MFSD8: variants seen among roughly 807,000 people sequenced by gnomAD.
MFSD8 encodes major facilitator superfamily domain containing 8, also known as major facilitator superfamily domain-containing protein 8.
MFSD8 carries 55 observed loss-of-function variants against 66.4 expected under a neutral mutation model. The ratio of observed to expected loss-of-function variants is 0.83; its 90% CI spans 0.67 to 1.04. The LOEUF (loss-of-function observed/expected upper bound fraction) is 1.04, where lower values mean the gene tolerates loss of function less well. Ranked by LOEUF, MFSD8 falls within the 50% of genes least tolerant of loss-of-function variation. The probability of loss-of-function intolerance (pLI) is 0.00; values close to 1 mark genes in which losing one functional copy is unlikely to be tolerated. For missense variants in MFSD8, 550 were observed against 627.6 expected (o/e 0.88, Z 1.32); for synonymous variants, 202 against 212.8 (o/e 0.95, Z 0.44).
chr4:127,947,372 G>A (rs112789012), intron 3 of MFSD8, among the ~76,000 whole-genome samples: 25 of 152,224 alleles, frequency 1.6e-4, no homozygotes, highest in African/African-American at 5.5e-4. Flanking sequence ...CCTGAGGTCA[G>A]GTAGAGATCA....
chr4:127,946,101 T>C (rs1234262381), intron 3 of MFSD8, among the ~76,000 whole-genome samples: 1 of 151,962 alleles, frequency 6.6e-6, no homozygotes, highest in Non-Finnish European at 1.5e-5. Context: ...TTTTTAAATT[T>C]TTTTGTAGAG....
intron 5 of MFSD8, among the ~76,000 whole-genome samples, chr4:127,940,516 G>GTGTA (rs374347184): frequency 4.3e-5 from 6 of 138,216 alleles, no homozygotes; most frequent in Admixed American, 2.2e-4. Context: ...TCTGTATATG[G>GTGTA]TATATATATA....
chr4:127,936,443 T>C (rs1578869397), intron 7 of MFSD8, among the ~76,000 whole-genome samples: 1 of 152,018 alleles, frequency 6.6e-6, no homozygotes, highest in African/African-American at 2.4e-5. Context: ...AAGTTATTTG[T>C]TTCCAGGTGC....
In MFSD8 at chr4:127,917,866, A is replaced by C. The variant is rs1735998946; in HGVS notation, c.*2764T>G. 1 of 152,254 alleles carries C rather than the reference A, an allele frequency of 6.6e-6. No individual in the cohort carries two copies. Among genetic ancestry groups the C allele is most frequent in the Admixed American group, 6.5e-5 (1 of 15,282 alleles). The allele number at this position is 152,254 out of a possible 1,614,324, so 9.4% of individuals were successfully genotyped here. A position where few individuals can be genotyped will look rare whatever the true frequency, so the allele number is the denominator to read the frequency against. On this transcript the variant is annotated 3_prime_UTR_variant, in exon 12 of 12. Coordinates refer to ENST00000641686, the MANE Select transcript of MFSD8 (RefSeq NM_001371596.2). ...ACATTCACAATGTAAAGTAGAAATTAAATTACAAATAAGTCTTCAATGGTC... is the reference window on the plus strand; with the variant it reads ...ACATTCACAATGTAAAGTAGAAATTCAATTACAAATAAGTCTTCAATGGTC...
intron 1 of MFSD8, among the ~76,000 whole-genome samples, chr4:127,961,177 T>C (rs1212192101): frequency 6.6e-6 from 1 of 152,214 alleles, no homozygotes; most frequent in Non-Finnish European, 1.5e-5. Context: ...TTGTGCAATA[T>C]ATTCAAAGTG....
intron 2 of MFSD8, among the ~76,000 whole-genome samples, chr4:127,953,726 G>C (rs1010901768): frequency 6.6e-6 from 1 of 151,340 alleles, no homozygotes; most frequent in Admixed American, 6.6e-5. Flanking sequence ...CTCGTGATCC[G>C]CCCGCCTCAG....
At position 127,942,098 on chromosome 4, in the gene MFSD8, C is replaced by T. The variant is rs763642606; in HGVS notation, c.500G>A (p.Ser167Asn). 2 of 1,614,086 alleles carry T rather than the reference C, an allele frequency of 1.2e-6. No homozygotes were observed. The highest frequency in any genetic ancestry group is 1.7e-6 in the Non-Finnish European group (2 of 1,179,978). Residue 167 changes from serine to asparagine, a missense_variant, in exon 5 of 12, where the codon AGT becomes AAT. Transcript: ENST00000641686. The part of the protein sequence containing the change: ...AGATSLQERT[S>N]SMANISMCQA... ...ACACATGCTTATGTTTGCCATGGAACTTGTTCTTTCCTGAAGGGAAGTAGC... is the reference window on the plus strand; with the variant it reads ...ACACATGCTTATGTTTGCCATGGAATTTGTTCTTTCCTGAAGGGAAGTAGC...
At chr4:127,942,526 T>C (rs1198697263) in intron 4 of MFSD8, among the ~76,000 whole-genome samples, 3 of 151,860 alleles carry the variant, frequency 2.0e-5, no homozygotes, top group Admixed American at 6.6e-5. Context: ...TGAAACCCCG[T>C]CTCTATTAAA....
intron 2 of MFSD8, among the ~76,000 whole-genome samples, chr4:127,955,740 A>G (rs575513997): frequency 6.6e-6 from 1 of 152,218 alleles, no homozygotes; most frequent in Admixed American, 6.5e-5. Flanking sequence ...TAATTCTTTG[A>G]GGCACAATTG....
At chr4:127,941,753 C>T (rs111750463) in intron 5 of MFSD8, among the ~76,000 whole-genome samples, 46 of 152,200 alleles carry the variant, frequency 3.0e-4, no homozygotes, top group African/African-American at 1.0e-3. Flanking sequence ...TGGACCACCA[C>T]GCATGGCCTC....
chr4:127,961,633 T>C (rs937792145), intron 1 of MFSD8, among the ~76,000 whole-genome samples: 12 of 151,830 alleles, frequency 7.9e-5, no homozygotes, highest in Admixed American at 6.6e-4. Context: ...GCTAACACGG[T>C]GAAACCCCGT....
At chr4:127,964,930 C>A (rs1399594323) in intron 1 of MFSD8, 142 bp downstream of exon 1, 2 of 988,320 alleles carry the variant, frequency 2.0e-6, no homozygotes, top group Non-Finnish European at 3.1e-6. Flanking sequence ...ATCTCCTCGG[C>A]TCACACAACC....
intron 7 of MFSD8, chr4:127,933,298 G>A (rs1253599476): frequency 6.5e-6 from 3 of 460,206 alleles, no homozygotes. Context: ...AGACTAGAGT[G>A]CAGTGTCATG....
intron 9 of MFSD8, among the ~76,000 whole-genome samples, chr4:127,930,025 G>A (rs978073066): frequency 4.6e-5 from 7 of 152,108 alleles, no homozygotes; most frequent in African/African-American, 1.7e-4. Flanking sequence ...GGAGGATTGC[G>A]TGAGCCCAGG....
intron 9 of MFSD8, among the ~76,000 whole-genome samples, chr4:127,923,203 G>T (rs867878003): frequency 6.6e-6 from 1 of 152,140 alleles, no homozygotes. Flanking sequence ...CTTGTCTTGT[G>T]CCGGTTTTCA....
At chr4:127,936,446 C>G (rs1381109719) in intron 7 of MFSD8, among the ~76,000 whole-genome samples, 3 of 151,532 alleles carry the variant, frequency 2.0e-5, no homozygotes, top group African/African-American at 7.3e-5. Flanking sequence ...TTATTTGTTT[C>G]CAGGTGCAGT....
At chr4:127,940,542 G>A (rs375380676) in intron 5 of MFSD8, among the ~76,000 whole-genome samples, 2 of 119,258 alleles carry the variant, frequency 1.7e-5, no homozygotes, top group African/African-American at 2.8e-5. Flanking sequence ...ATATATATGT[G>A]TGTGTGTGTA....
chr4:127,938,597 AAATAAAT>A lies in MFSD8; in HGVS notation c.754+179_754+185del, dbSNP rs1560744832. Among the ~76,000 whole-genome samples, 70 of 102,490 alleles carry A rather than the reference AAATAAAT, an allele frequency of 6.8e-4. 1 individual carries two copies. The highest frequency in any genetic ancestry group is 1.9e-3 in the African/African-American group (36 of 19,396). 67.2% of individuals were successfully genotyped at this position (102,490 alleles called of 152,430 possible). A position where few individuals can be genotyped will look rare whatever the true frequency, so the allele number is the denominator to read the frequency against. On this transcript the variant is annotated intron_variant, in intron 7 of 11. Transcript: ENST00000641686. ...AACTCTGTCTCAAAAAAAAAAAAAT[AAATAAAT>A]AAATAAATAAATAAATAAATAAATA...
At chr4:127,925,216 G>A (rs555021480) in intron 9 of MFSD8, among the ~76,000 whole-genome samples, 2 of 152,112 alleles carry the variant, frequency 1.3e-5, no homozygotes, top group Admixed American at 1.3e-4. Flanking sequence ...CAAAAGCAAT[G>A]GCAACAAAAA....
Sources: gnomAD v4.1 joint callset for allele counts (sites outside exome capture counted in the v4.1 genomes callset) on GRCh38, gnomAD v4.1.1 for gene constraint, MANE v1.5 for transcripts, NCBI Gene and HGNC (gene_info 2026-07-23, HGNC 2026-07-21) for gene names.